Variants in TNKS2 observed in about 807,000 individuals in gnomAD.
TNKS2 encodes the protein tankyrase 2.
TNKS2 carries 72 observed loss-of-function variants against 137.6 expected under a neutral mutation model. That is an observed-to-expected ratio of 0.52 (90% CI 0.43 to 0.64). The LOEUF (loss-of-function observed/expected upper bound fraction) is 0.64. TNKS2 is among the 30% of genes least tolerant of loss of function. TNKS2 has a pLI of 0.00. For missense variants in TNKS2, 1,049 were observed against 1,410.2 expected, an observed-to-expected ratio of 0.74 and a Z score of 4.10; for synonymous variants, 516 against 512.1, an observed-to-expected ratio of 1.01 and a Z score of -0.10.
At chr10:91,809,181 G>A (rs982567727) in intron 1 of TNKS2, among the ~76,000 whole-genome samples, 21 of 152,122 alleles carry the variant, frequency 1.4e-4, no homozygotes, top group African/African-American at 4.1e-4. Context: ...ATATATATTA[G>A]CAGATGTTTG....
intron 20 of TNKS2, among the ~76,000 whole-genome samples, 162 bp downstream of exon 20, chr10:91,849,756 C>G (rs1842487790): frequency 6.6e-6 from 1 of 152,132 alleles, no homozygotes; most frequent in Non-Finnish European, 1.5e-5. Context: ...CTTGAAACTT[C>G]CATTTAGTTT....
At chr10:91,845,109 T>G (rs1461996782) in intron 17 of TNKS2, 81 bp downstream of exon 17, 1 of 877,822 alleles carries the variant, frequency 1.1e-6, no homozygotes, top group African/African-American at 1.7e-5. Context: ...GGAATGTAGT[T>G]TGATGTTCTC....
intron 1 of TNKS2, among the ~76,000 whole-genome samples, chr10:91,808,850 G>A (rs1844409604): frequency 6.6e-6 from 1 of 152,098 alleles, no homozygotes; most frequent in Admixed American, 6.5e-5. Flanking sequence ...GGTAGAGGAA[G>A]CAATAAGCCC....
chr10:91,828,236 CT>C, intron 8 of TNKS2, 48 bp from the exon 9 acceptor site: 2 of 1,414,946 alleles, frequency 1.4e-6, no homozygotes, highest in Non-Finnish European at 1.9e-6. Flanking sequence ...TTAGATAAGG[CT>C]TTTCAATTTG....
intron 9 of TNKS2, among the ~76,000 whole-genome samples, chr10:91,830,492 A>G (rs1196755247): frequency 6.6e-6 from 1 of 152,220 alleles, no homozygotes; most frequent in African/African-American, 2.4e-5. Flanking sequence ...TGCTGGGATT[A>G]CAGGCCTGAG....
chr10:91,829,836 A>G (rs1421453406), intron 9 of TNKS2, among the ~76,000 whole-genome samples: 1 of 152,236 alleles, frequency 6.6e-6, no homozygotes, highest in Non-Finnish European at 1.5e-5. Context: ...TTAGATGTAT[A>G]GAGCAACTTA....
intron 1 of TNKS2, among the ~76,000 whole-genome samples, chr10:91,812,458 G>C (rs548221433): frequency 6.6e-5 from 10 of 152,256 alleles, no homozygotes; most frequent in African/African-American, 2.2e-4. Flanking sequence ...TTATCTCTCT[G>C]TGTCTCACTA....
At chr10:91,845,585 T>A (rs1487794075) in intron 17 of TNKS2, among the ~76,000 whole-genome samples, 167 bp from the exon 18 acceptor site, 1 of 152,258 alleles carries the variant, frequency 6.6e-6, no homozygotes, top group Non-Finnish European at 1.5e-5. Flanking sequence ...CCACTGTAAT[T>A]TTTAATCAGC....
At position 91,831,243 on chromosome 10, in the gene TNKS2, A is replaced by G; in HGVS notation, c.1275+62A>G. 5 of 1,393,874 alleles carry G rather than the reference A, an allele frequency of 3.6e-6. No homozygotes were observed. In the Admixed American group the frequency reaches 8.6e-5, roughly 24 times the overall value. The allele number at this position is 1,393,874 out of a possible 1,614,324, so 86.3% of individuals were successfully genotyped here. ...GAGTTATTTTTTATTTAGCAGGTGA[A>G]ATGCCTGACTTCCTAAACTATTTAC... On this transcript the variant is annotated intron_variant, in intron 11 of 26. Transcript: ENST00000371627.
At chr10:91,858,016 ATTAC>A (rs1245076442) in intron 24 of TNKS2, among the ~76,000 whole-genome samples, 2 of 152,230 alleles carry the variant, frequency 1.3e-5, no homozygotes, top group Non-Finnish European at 2.9e-5. Context: ...TGAAAGCACA[ATTAC>A]TTATTCTTCT....
At chr10:91,832,834 A>G (rs1227106142) in intron 11 of TNKS2, among the ~76,000 whole-genome samples, 1 of 152,138 alleles carries the variant, frequency 6.6e-6, no homozygotes, top group Non-Finnish European at 1.5e-5. Context: ...TTTCAAAGAT[A>G]TAACCAAGTA....
intron 1 of TNKS2, among the ~76,000 whole-genome samples, chr10:91,804,457 T>A (rs923738757): frequency 2.6e-5 from 4 of 152,156 alleles, no homozygotes; most frequent in African/African-American, 9.7e-5. Context: ...TGAAGTTGAG[T>A]GCTGTTCCAT....
At chr10:91,856,711 G>A (rs1842717106) in intron 23 of TNKS2, among the ~76,000 whole-genome samples, 1 of 152,078 alleles carries the variant, frequency 6.6e-6, no homozygotes, top group South Asian at 2.1e-4. Context: ...CCTTTTTAAT[G>A]CATAAATGAG....
intron 16 of TNKS2, 76 bp from the exon 17 acceptor site, chr10:91,844,843 A>T (rs2297960): frequency 0.34 from 293,967 of 873,352 alleles, 52,580 homozygotes; most frequent in East Asian, 0.49. Context: ...TTTTTATGTT[A>T]ACAAGTGGAA....
chr10:91,852,417 A>G (rs1406283211), intron 21 of TNKS2, among the ~76,000 whole-genome samples: 42 of 138,248 alleles, frequency 3.0e-4, no homozygotes, highest in Middle Eastern at 5.0e-3. Flanking sequence ...AAAATTAGCC[A>G]GGCGTGGTGG....
At chr10:91,813,451 C>T (rs750507536) in intron 2 of TNKS2, among the ~76,000 whole-genome samples, 15 of 151,994 alleles carry the variant, frequency 9.9e-5, no homozygotes, top group Non-Finnish European at 1.9e-4. Context: ...AGAAAATATA[C>T]AAAGAGCCAG....
chr10:91,838,343 T>G (rs1241692809), intron 13 of TNKS2, among the ~76,000 whole-genome samples: 3 of 152,078 alleles, frequency 2.0e-5, no homozygotes, highest in Non-Finnish European at 4.4e-5. Context: ...TGATGGACAT[T>G]TATCTCCATC....
At chr10:91,810,304 G>A (rs1434515847) in intron 1 of TNKS2, among the ~76,000 whole-genome samples, 1 of 151,738 alleles carries the variant, frequency 6.6e-6, no homozygotes, top group Admixed American at 6.6e-5. Flanking sequence ...CTTAAGCCTG[G>A]GAGGCAGAGG....
At chr10:91,835,106 G>T (rs537939048) in intron 12 of TNKS2, among the ~76,000 whole-genome samples, 3 of 152,164 alleles carry the variant, frequency 2.0e-5, no homozygotes, top group African/African-American at 7.2e-5. Context: ...GAATATGCAT[G>T]TGTGAATTAC....
Sources: allele counts gnomAD v4.1 joint callset (sites outside exome capture counted in the v4.1 genomes callset), GRCh38; gene constraint gnomAD v4.1.1; transcripts MANE v1.5; gene names NCBI Gene and HGNC (gene_info 2026-07-23, HGNC 2026-07-21).